The following ADRA1A variants were observed in gnomAD, a reference collection of about 807,000 sequenced individuals.
ADRA1A encodes the protein adrenoceptor alpha 1A.
Under a neutral mutation model 29.6 loss-of-function variants are expected in ADRA1A, and 31 were observed. That is an observed-to-expected ratio of 1.05 (90% confidence interval 0.79 to 1.41). The LOEUF is 1.41. Among genes scored for constraint, ADRA1A ranks in the 40% most tolerant of loss-of-function variants. ADRA1A has a pLI of 0.00. For missense variants in ADRA1A, 619 were observed against 601.1 expected, an observed-to-expected ratio of 1.03 and a Z score of -0.31; for synonymous variants, 311 against 254.3, an observed-to-expected ratio of 1.22 and a Z score of -2.12.
At chr8:26,847,404 A>G (rs1812291451) in intron 2 of ADRA1A, among the ~76,000 whole-genome samples, 1 of 152,092 alleles carries the variant, frequency 6.6e-6, no homozygotes, top group African/African-American at 2.4e-5. Context: ...TTCCTCTCCT[A>G]AAGTTTCTTT....
rs184882525 is a variant in ADRA1A at position 26,862,803 on chromosome 8, G to A, written c.883+1284C>T. Among the ~76,000 whole-genome samples, 96 of 152,344 alleles carry A rather than the reference G, an allele frequency of 6.3e-4. 1 individual carries two copies. Among genetic ancestry groups the A allele is most frequent in the Admixed American group, 5.4e-3 (82 of 15,302 alleles). ...GTGACTATGGAGCACTTGAGATGTG[G>A]TCAGTGGGACTGAGGAATTGAGGAA... is the stretch of plus-strand genomic sequence containing the variant. On this transcript the variant is annotated intron_variant, in intron 2 of 2. Coordinates refer to ENST00000380573, the MANE Select transcript of ADRA1A (RefSeq NM_000680.4).
intron 2 of ADRA1A, among the ~76,000 whole-genome samples, chr8:26,843,125 C>T (rs1377210622): frequency 6.6e-6 from 1 of 152,170 alleles, no homozygotes; most frequent in African/African-American, 2.4e-5. Context: ...GTTATCTTGT[C>T]CTGATGACTA....
chr8:26,811,822 T>A (rs557116400), intron 2 of ADRA1A, among the ~76,000 whole-genome samples: 1 of 152,254 alleles, frequency 6.6e-6, no homozygotes, highest in Non-Finnish European at 1.5e-5. Context: ...GTAAATGTCG[T>A]CACGTGGAAC....
chr8:26,829,261 G>A (rs1160228504), intron 2 of ADRA1A, among the ~76,000 whole-genome samples: 1 of 152,078 alleles, frequency 6.6e-6, no homozygotes, highest in Non-Finnish European at 1.5e-5. Context: ...GAGAAATATA[G>A]GCTGACAAAA....
intron 2 of ADRA1A, chr8:26,836,066 C>G (rs1256579312): frequency 6.1e-6 from 1 of 164,762 alleles, no homozygotes; most frequent in Admixed American, 6.3e-5. Flanking sequence ...TGTACACACA[C>G]TGGTATCATT....
downstream of ADRA1A, among the ~76,000 whole-genome samples, chr8:26,764,024 C>T (rs994403298): frequency 5.9e-5 from 9 of 152,136 alleles, no homozygotes; most frequent in Non-Finnish European, 1.3e-4. Context: ...TGGAAAAATG[C>T]ATTCTTGACT....
downstream of ADRA1A, among the ~76,000 whole-genome samples, chr8:26,761,516 A>C (rs1450615661): frequency 1.4e-4 from 21 of 152,240 alleles, no homozygotes; most frequent in Admixed American, 1.4e-3. Context: ...CCTTATAAGA[A>C]GAAGAAATTG....
chr8:26,769,704 C>T lies in ADRA1A; in HGVS notation c.*445G>A, dbSNP rs1431268136. 1 of 987,972 alleles carries T rather than the reference C, an allele frequency of 1.0e-6. No homozygotes were observed. The highest frequency in any genetic ancestry group is 1.7e-5 in the African/African-American group (1 of 57,302). 61.2% of individuals were successfully genotyped at this position (987,972 alleles called of 1,614,324 possible). A position where few individuals can be genotyped will look rare whatever the true frequency, so the allele number is the denominator to read the frequency against. On this transcript the variant is annotated 3_prime_UTR_variant, in exon 3 of 3. Coordinates refer to ENST00000380573, the MANE Select transcript of ADRA1A (RefSeq NM_000680.4). Reference sequence around the variant, plus strand: ...TGCTCTTCCTCTCTAGGCCCTCTCCCCATAAATGTCAAATGTGGCTGTCAG... The same window carrying T: ...TGCTCTTCCTCTCTAGGCCCTCTCCTCATAAATGTCAAATGTGGCTGTCAG...
At position 26,867,041 on chromosome 8, in the gene ADRA1A, G is replaced by A; in HGVS notation, c.-792C>T. On this transcript the variant is annotated 5_prime_UTR_variant, in exon 1 of 3. It adds an upstream start codon to the 5' untranslated region. Coordinates refer to ENST00000380573, the MANE Select transcript of ADRA1A (RefSeq NM_000680.4). ...CTTCTCTGGAGGCGGAGAGGGGACCGTGTCTCCGAGGCACCAAATCCTTGT... is the reference window on the plus strand; with the variant it reads ...CTTCTCTGGAGGCGGAGAGGGGACCATGTCTCCGAGGCACCAAATCCTTGT... The A allele has an allele frequency of 1.0e-6, 1 of 985,374 alleles. No individual in the cohort carries two copies. Among genetic ancestry groups the A allele is most frequent in the East Asian group, 1.1e-4 (1 of 8,778 alleles). 61.0% of individuals were successfully genotyped at this position (985,374 alleles called of 1,614,324 possible).
chr8:26,823,586 T>A lies in ADRA1A; in HGVS notation c.883+40501A>T, dbSNP rs1251099893. Among the ~76,000 whole-genome samples the A allele has an allele frequency of 2.6e-5, 4 of 152,170 alleles. No individual in the cohort carries two copies. The highest frequency in any genetic ancestry group is 4.4e-5 in the Non-Finnish European group (3 of 68,028). ...GGTTCGGGGAGCGCTGGGCTAAGGATCAGGCTGCTTGGGCTATCAACATAT... is the reference window on the plus strand; with the variant it reads ...GGTTCGGGGAGCGCTGGGCTAAGGAACAGGCTGCTTGGGCTATCAACATAT... On this transcript the variant is annotated intron_variant, in intron 2 of 2. Coordinates refer to ENST00000380573, the MANE Select transcript of ADRA1A (RefSeq NM_000680.4). The surrounding 1 kb of genome is among the most constrained non-coding windows in gnomAD (Gnocchi z 4.2).
chr8:26,808,735 C>T (rs1449930348), intron 2 of ADRA1A, among the ~76,000 whole-genome samples: 1 of 152,250 alleles, frequency 6.6e-6, no homozygotes, highest in Non-Finnish European at 1.5e-5. Context: ...GTGATTTCTT[C>T]TCTGCCTTGA....
Position 26,770,134 on chromosome 8 carries a change from T to G in ADRA1A, c.*15A>C. On this transcript the variant is annotated 3_prime_UTR_variant, in exon 3 of 3. Coordinates refer to ENST00000380573, the MANE Select transcript of ADRA1A (RefSeq NM_000680.4). Reference sequence around the variant, plus strand: ...TACCTAAGATTATTCCCCTTTCCTCTGCATCTTTCCTGTCCTAGACTTCCT... The same window carrying G: ...TACCTAAGATTATTCCCCTTTCCTCGGCATCTTTCCTGTCCTAGACTTCCT... 2 of 1,527,294 alleles carry G rather than the reference T, an allele frequency of 1.3e-6. No homozygotes were observed. The highest frequency in any genetic ancestry group is 1.8e-6 in the Non-Finnish European group (2 of 1,138,784). 94.6% of individuals were successfully genotyped at this position (1,527,294 alleles called of 1,614,324 possible).
At chr8:26,794,599 T>C in intron 2 of ADRA1A, among the ~76,000 whole-genome samples, 1 of 152,162 alleles carries the variant, frequency 6.6e-6, no homozygotes, top group East Asian at 1.9e-4. Flanking sequence ...GAATTTCATA[T>C]AATTTTCCTG....
rs965188288 is a variant in ADRA1A, at chr8:26,770,510, C to T, written c.1040G>A (p.Cys347Tyr). 59 of 1,614,032 alleles carry T rather than the reference C, an allele frequency of 3.7e-5. No individual in the cohort carries two copies. The highest frequency in any genetic ancestry group is 2.6e-4 in the South Asian group (24 of 91,084). The change falls in exon 3 of 3, where the codon TGC becomes TAC. Residue 347 changes from cysteine to tyrosine, a missense_variant. Physicochemically the swap from Cys to Tyr is radical, Grantham distance 194. Coordinates refer to ENST00000380573, the MANE Select transcript of ADRA1A (RefSeq NM_000680.4). ...GGCATGTTTGGAAGACTGCTTTCTG[C>T]AGAGACACTGGATTCTCAAGACATT... ...FQNVLRIQCL[C>Y]RKQSSKHALG...
intron 2 of ADRA1A, chr8:26,859,292 T>C: frequency 2.1e-5 from 19 of 915,476 alleles, no homozygotes; most frequent in Non-Finnish European, 2.8e-5. Flanking sequence ...TAAAAAAACA[T>C]ATAACATCTC....
intron 2 of ADRA1A, among the ~76,000 whole-genome samples, chr8:26,842,298 T>C (rs1336853568): frequency 6.6e-6 from 1 of 152,210 alleles, no homozygotes; most frequent in African/African-American, 2.4e-5. Flanking sequence ...GAGGCTACCA[T>C]ATTGGACAGC....
rs573506774 is a variant in ADRA1A at position 26,847,586 on chromosome 8, T to C, written c.883+16501A>G. 3.3e-5 allele frequency among the ~76,000 whole-genome samples: 5 copies of C among 152,366 alleles called. No homozygotes were observed. The South Asian group carries it at 1.0e-3, about 32-fold the overall frequency. On this transcript the variant is annotated intron_variant, in intron 2 of 2. Coordinates refer to ENST00000380573, the MANE Select transcript of ADRA1A (RefSeq NM_000680.4). The stretch of plus-strand genomic sequence containing the variant: ...GGTTTCTCACTGGCAACGAATGCCC[T>C]GGCAATAAGCTAAATGTGGATAGCA...
At position 26,864,611 on chromosome 8, in the gene ADRA1A, A is replaced by T; in HGVS notation, c.359T>A (p.Ile120Asn). ...CACGCCGATGTAGCGGTCGATGGAG[A>T]TGATGCAGAGGCCCATGATGGACGC... ...CTASIMGLCI[I>N]SIDRYIGVSY... Residue 120 changes from isoleucine (I) to asparagine (N), a missense_variant, in exon 2 of 3, where the codon ATC becomes AAC. Transcript: ENST00000380573. The surrounding 1 kb of genome is among the most constrained non-coding windows in gnomAD (Gnocchi z 8.1). 1 of 1,614,086 alleles carries T rather than the reference A, an allele frequency of 6.2e-7. No homozygotes were observed.
chr8:26,810,448 G>C (rs1303556656), intron 2 of ADRA1A, among the ~76,000 whole-genome samples: 2 of 152,210 alleles, frequency 1.3e-5, no homozygotes, highest in African/African-American at 4.8e-5. Flanking sequence ...TTGCAGCAGT[G>C]TGATAATGGA....
Sources: allele counts gnomAD v4.1 joint callset (sites outside exome capture counted in the v4.1 genomes callset), GRCh38; gene constraint gnomAD v4.1.1; non-coding constraint Gnocchi (gnomAD v3.1); transcripts MANE v1.5; gene names NCBI Gene and HGNC (gene_info 2026-07-23, HGNC 2026-07-21).